The following KCTD20 variants were observed in gnomAD, a reference collection of about 807,000 sequenced individuals.
The protein encoded by KCTD20 is potassium channel tetramerization domain containing 20.
Under a neutral mutation model 39.6 loss-of-function variants are expected in KCTD20, and 30 were observed. The observed-to-expected ratio is 0.76, with a 90% CI of 0.57 to 1.03. The LOEUF is 1.03. Among genes scored for constraint, KCTD20 ranks in the 50% least tolerant of loss-of-function variants. The pLI, the probability that KCTD20 is intolerant of heterozygous loss-of-function variation, is 0.00. For missense variants in KCTD20, 422 were observed against 522.0 expected (o/e 0.81, Z 1.87); for synonymous variants, 162 against 180.6 (o/e 0.90, Z 0.83).
intron 2 of KCTD20, among the ~76,000 whole-genome samples, chr6:36,472,021 T>C (rs573301676): frequency 6.6e-6 from 1 of 152,222 alleles, no homozygotes; most frequent in Admixed American, 6.5e-5. Flanking sequence ...GCTAATTTTT[T>C]ATATTTTTAG....
At chr6:36,479,298 A>G (rs965349269) in intron 4 of KCTD20, 75 bp downstream of exon 4, 31 of 1,066,516 alleles carry the variant, frequency 2.9e-5, no homozygotes, top group Middle Eastern at 2.1e-4. Flanking sequence ...AGTTCCATCA[A>G]CTATGTTATT....
At position 36,479,604 on chromosome 6, in the gene KCTD20, C is replaced by A; in HGVS notation, c.551C>A (p.Thr184Asn). The A allele has an allele frequency of 1.2e-6, 2 of 1,605,086 alleles. No homozygotes were observed. Among genetic ancestry groups the A allele is most frequent in the Non-Finnish European group, 1.7e-6 (2 of 1,177,492 alleles). Residue 184 changes from threonine (T) to asparagine (N), a missense_variant, in exon 5 of 8, where the codon ACC becomes AAC. Coordinates refer to ENST00000373731, the MANE Select transcript of KCTD20 (RefSeq NM_173562.5). ...ATCTATTTACAGGATTATTACAAAA[C>A]CGGTATCATCAATTGTCCTGATGGC... ...VFRTVLDYYK[T>N]GIINCPDGIS...
rs554900629 is a variant in KCTD20, at chr6:36,485,785, C to A, written c.967+961C>A. Among the ~76,000 whole-genome samples, 58 of 152,106 alleles carry A rather than the reference C, an allele frequency of 3.8e-4. 1 individual carries two copies. In the Middle Eastern group the frequency reaches 0.014, roughly 36 times the overall value. ...GGGATTACAGATGTGAGCCACGGCG[C>A]CTGGCCCCCTATGTGGATCTTTGTT... On this transcript the variant is annotated intron_variant, in intron 7 of 7. Coordinates refer to ENST00000373731, the MANE Select transcript of KCTD20 (RefSeq NM_173562.5).
intron 1 of KCTD20, among the ~76,000 whole-genome samples, chr6:36,457,679 A>G (rs1775480100): frequency 1.3e-5 from 2 of 152,178 alleles, no homozygotes; most frequent in East Asian, 1.9e-4. Context: ...TGCCACTGCA[A>G]AAATGTCAAG....
At chr6:36,473,936 AT>A in intron 2 of KCTD20, among the ~76,000 whole-genome samples, 1 of 152,302 alleles carries the variant, frequency 6.6e-6, no homozygotes, top group East Asian at 1.9e-4. Context: ...TTTTGAAAAA[AT>A]AGTGTAGGTG....
At chr6:36,485,021 C>T (rs528791448) in intron 7 of KCTD20, among the ~76,000 whole-genome samples, 197 bp downstream of exon 7, 93 of 152,056 alleles carry the variant, frequency 6.1e-4, no homozygotes, top group Non-Finnish European at 1.2e-3. Flanking sequence ...TCAAAGCAGC[C>T]ACAGAAACAA....
rs1776363924 is a variant in KCTD20, at chr6:36,484,708, T to G, written c.857-6T>G. The G allele has an allele frequency of 6.9e-7, 1 of 1,454,914 alleles. No individual in the cohort carries two copies. The highest frequency in any genetic ancestry group is 9.5e-7 in the Non-Finnish European group (1 of 1,052,528). 90.1% of individuals were successfully genotyped at this position (1,454,914 alleles called of 1,614,324 possible). A position where few individuals can be genotyped will look rare whatever the true frequency, so the allele number is the denominator to read the frequency against. ...CATGGCTAACCCTATATTTTTTCTT[T>G]TTCAGTTCTTTATAGCTCCAAGCTC... On this transcript the variant is annotated splice_region_variant and splice_polypyrimidine_tract_variant and intron_variant, in intron 6 of 7. Transcript: ENST00000373731.
intron 6 of KCTD20, among the ~76,000 whole-genome samples, chr6:36,483,939 A>ATTT (rs148413365): frequency 2.2e-5 from 3 of 135,962 alleles, no homozygotes; most frequent in African/African-American, 5.5e-5. Flanking sequence ...GTGAGGCTGA[A>ATTT]TTTTTTTTTT....
Position 36,479,620 on chromosome 6 carries a change from T to C in KCTD20, c.567T>C (p.Cys189=), listed in dbSNP as rs1307802756. 1.2e-6 allele frequency: 2 copies of C among 1,609,650 alleles called. No individual in the cohort carries two copies. The highest frequency in any genetic ancestry group is 2.2e-5 in the South Asian group (2 of 90,894). ...LDYYKTGIIN[C]PDGISIPDLR... is the part of the protein sequence containing the mutation. ...ATTACAAAACCGGTATCATCAATTGTCCTGATGGCATCTCTATCCCAGATC... is the reference window on the plus strand; with the variant it reads ...ATTACAAAACCGGTATCATCAATTGCCCTGATGGCATCTCTATCCCAGATC... Residue 189 remains cysteine (C), a synonymous_variant, in exon 5 of 8, where the codon TGT becomes TGC. Transcript: ENST00000373731.
At chr6:36,486,036 C>T (rs1035757973) in intron 7 of KCTD20, among the ~76,000 whole-genome samples, 2 of 152,058 alleles carry the variant, frequency 1.3e-5, no homozygotes, top group Non-Finnish European at 2.9e-5. Flanking sequence ...TTCCAAGTAG[C>T]AGAGACCACA....
At chr6:36,478,101 A>AAAAAAAAAAAAAG (rs112536319) in intron 3 of KCTD20, among the ~76,000 whole-genome samples, 4 of 145,698 alleles carry the variant, frequency 2.7e-5, no homozygotes, top group African/African-American at 1.0e-4. Context: ...TCTCAAAAAA[A>AAAAAAAAAAAAAG]AAAAGAAAAG....
intron 1 of KCTD20, among the ~76,000 whole-genome samples, chr6:36,458,405 G>A (rs1369428882): frequency 2.0e-5 from 3 of 151,816 alleles, no homozygotes; most frequent in African/African-American, 7.2e-5. Flanking sequence ...GCCGGGCGTG[G>A]TGGTGCATGT....
rs1554159097 is a variant in KCTD20 at position 36,451,004 on chromosome 6, T to TAGG, written c.-47+7893_-47+7894insAGG. 3.3e-5 allele frequency: 5 copies of TAGG among 152,182 alleles called. No homozygotes were observed. The East Asian group carries it at 9.7e-4, about 29-fold the overall frequency. The allele number at this position is 152,182 out of a possible 1,614,324, so 9.4% of individuals were successfully genotyped here. A position where few individuals can be genotyped will look rare whatever the true frequency, so the allele number is the denominator to read the frequency against. On this transcript the variant is annotated intron_variant, in intron 1 of 7. Transcript: ENST00000373731. ...ACTGATCAGCACAGGAGTTTTGACT[T>TAGG]GCCTGTTTCCAGCCTGGGTCAGTTC...
chr6:36,488,688 A>G lies in KCTD20; in HGVS notation c.*1513A>G, dbSNP rs1776497536. ...GATTTTGGAGCACTTCAAATTTCGG[A>G]TTTTTGGATTTGGGATGCTCATCCT... On this transcript the variant is annotated 3_prime_UTR_variant, in exon 8 of 8. Transcript: ENST00000373731. The G allele has an allele frequency of 6.6e-6, 1 of 152,184 alleles. No individual in the cohort carries two copies. The highest frequency in any genetic ancestry group is 1.5e-5 in the Non-Finnish European group (1 of 68,008). 9.4% of individuals were successfully genotyped at this position (152,184 alleles called of 1,614,324 possible).
chr6:36,462,343 C>G (rs1198106449), intron 1 of KCTD20, among the ~76,000 whole-genome samples: 2 of 152,134 alleles, frequency 1.3e-5, no homozygotes, highest in African/African-American at 4.8e-5. Context: ...ATTAAAAAGG[C>G]CTCCCAACCC....
intron 1 of KCTD20, among the ~76,000 whole-genome samples, chr6:36,451,997 G>C (rs910186344): frequency 3.3e-5 from 5 of 151,984 alleles, no homozygotes; most frequent in Non-Finnish European, 1.5e-5. Context: ...TTTTAGTAGA[G>C]ACAGGGTTTC....
Position 36,479,167 on chromosome 6 carries a change from A to G in KCTD20, c.481A>G (p.Lys161Glu). 1 of 1,614,024 alleles carries G rather than the reference A, an allele frequency of 6.2e-7. No homozygotes were observed. The highest frequency in any genetic ancestry group is 8.5e-7 in the Non-Finnish European group (1 of 1,179,926). Residue 161 changes from lysine (K) to glutamate (E), a missense_variant, in exon 4 of 8, where the codon AAG (lysine) becomes GAG (glutamate). Physicochemically the swap from Lys to Glu is moderately conservative, Grantham distance 56 (BLOSUM62 1). Coordinates refer to ENST00000373731, the MANE Select transcript of KCTD20 (RefSeq NM_173562.5). Reference sequence around the variant, plus strand: ...GTACAACTTCACTCGGCCCAATGAGAAGGGAGAGTATGAGATTGCTGAAGG... The same window carrying G: ...GTACAACTTCACTCGGCCCAATGAGGAGGGAGAGTATGAGATTGCTGAAGG... ...REYNFTRPNE[K>E]GEYEIAEGIS...
intron 7 of KCTD20, among the ~76,000 whole-genome samples, chr6:36,485,321 A>C (rs2127457963): frequency 6.6e-6 from 1 of 152,274 alleles, no homozygotes; most frequent in African/African-American, 2.4e-5. Flanking sequence ...TCTCAAAAAA[A>C]AAAAAAGATT....
In KCTD20 at chr6:36,489,967, G is replaced by C. The variant is rs1427557692; in HGVS notation, c.*2792G>C. On this transcript the variant is annotated 3_prime_UTR_variant, in exon 8 of 8. Coordinates refer to ENST00000373731, the MANE Select transcript of KCTD20 (RefSeq NM_173562.5). The stretch of plus-strand genomic sequence containing the variant: ...CCCTGGAAAAATATTTGAAAGAATG[G>C]CAGCAAAAAGGTTAAGAAAGCAAGC... 4 of 152,096 alleles carry C rather than the reference G, an allele frequency of 2.6e-5. No individual in the cohort carries two copies. The highest frequency in any genetic ancestry group is 9.7e-5 in the African/African-American group (4 of 41,406). The allele number at this position is 152,096 out of a possible 1,614,324, so 9.4% of individuals were successfully genotyped here.
Sources: gnomAD v4.1 joint callset for allele counts (sites outside exome capture counted in the v4.1 genomes callset) on GRCh38, gnomAD v4.1.1 for gene constraint, MANE v1.5 for transcripts, NCBI Gene and HGNC (gene_info 2026-07-23, HGNC 2026-07-21) for gene names.